Variants in TMEM132D observed in about 807,000 individuals in gnomAD.
TMEM132D encodes the protein transmembrane protein 132D.
TMEM132D carries 21 observed loss-of-function variants against 62.3 expected under a neutral mutation model. That is an observed-to-expected ratio of 0.34 (90% CI 0.24 to 0.49). The LOEUF is 0.49. TMEM132D is among the 20% of genes least tolerant of loss of function. TMEM132D has a pLI of 0.99. For missense variants in TMEM132D, 1,346 were observed against 1,402.8 expected (o/e 0.96, Z 0.65); for synonymous variants, 621 against 575.6 (o/e 1.08, Z -1.13).
intron 3 of TMEM132D, among the ~76,000 whole-genome samples, chr12:129,417,103 G>T (rs1444073016): frequency 6.6e-6 from 1 of 152,104 alleles, no homozygotes; most frequent in African/African-American, 2.4e-5. Context: ...CTATTGTTTG[G>T]AATCATTTCA....
chr12:129,647,688 A>G (rs1879823133), intron 2 of TMEM132D, among the ~76,000 whole-genome samples: 1 of 152,210 alleles, frequency 6.6e-6, no homozygotes, highest in Non-Finnish European at 1.5e-5. Context: ...GCATTGTTTC[A>G]TATGCTTATT....
At chr12:129,759,349 G>T (rs540338379) in intron 1 of TMEM132D, among the ~76,000 whole-genome samples, 1 of 152,324 alleles carries the variant, frequency 6.6e-6, no homozygotes, top group South Asian at 2.1e-4. Context: ...TTTACATGCT[G>T]TTGATAAGAG....
chr12:129,148,996 T>C (rs1876996480), intron 5 of TMEM132D, among the ~76,000 whole-genome samples: 1 of 152,202 alleles, frequency 6.6e-6, no homozygotes, highest in African/African-American at 2.4e-5. Flanking sequence ...AGGGACTTTT[T>C]TTTAATGAAA....
At chr12:129,263,387 A>G (rs1880602562) in intron 4 of TMEM132D, among the ~76,000 whole-genome samples, 2 of 152,186 alleles carry the variant, frequency 1.3e-5, no homozygotes, top group South Asian at 4.1e-4. Flanking sequence ...ACCAAATGCT[A>G]TCTTATCTCT....
At chr12:129,711,442 T>C (rs573495404) in intron 1 of TMEM132D, among the ~76,000 whole-genome samples, 54 of 152,288 alleles carry the variant, frequency 3.5e-4, no homozygotes, top group African/African-American at 1.2e-3. Flanking sequence ...TGGGATTATA[T>C]AGGCCAGGCA....
At chr12:129,317,671 G>A (rs1235623294) in intron 4 of TMEM132D, among the ~76,000 whole-genome samples, 5 of 152,140 alleles carry the variant, frequency 3.3e-5, no homozygotes, top group African/African-American at 1.2e-4. Context: ...TATGCTTCTC[G>A]TATTGGAACG....
At chr12:129,113,893 C>T (rs1875802847) in intron 5 of TMEM132D, among the ~76,000 whole-genome samples, 1 of 151,904 alleles carries the variant, frequency 6.6e-6, no homozygotes, top group Non-Finnish European at 1.5e-5. Flanking sequence ...GAGTTTCCAG[C>T]AGGTAGATGA....
chr12:129,270,797 TCAG>T (rs1347094167), intron 4 of TMEM132D, among the ~76,000 whole-genome samples: 7 of 152,382 alleles, frequency 4.6e-5, no homozygotes, highest in African/African-American at 1.7e-4. Flanking sequence ...TGCTTTCAAA[TCAG>T]TGCTCATCCT....
intron 2 of TMEM132D, among the ~76,000 whole-genome samples, chr12:129,638,451 T>G (rs1163983404): frequency 6.6e-6 from 1 of 150,752 alleles, no homozygotes; most frequent in East Asian, 1.9e-4. Flanking sequence ...TTTCCTACTT[T>G]CATTGAAAAA....
chr12:129,151,533 CCAGGGGTGA>C (rs1383842893), intron 5 of TMEM132D, among the ~76,000 whole-genome samples: 2 of 152,150 alleles, frequency 1.3e-5, no homozygotes, highest in African/African-American at 2.4e-5. Flanking sequence ...CTCACCACAC[CCAGGGGTGA>C]CATGCGGCTG....
chr12:129,451,237 G>A (rs987580567), intron 3 of TMEM132D, among the ~76,000 whole-genome samples: 1 of 152,106 alleles, frequency 6.6e-6, no homozygotes, highest in African/African-American at 2.4e-5. Context: ...CTAGAAAAGA[G>A]TTTTTAAAAA....
At chr12:129,649,677 C>T (rs920915367) in intron 2 of TMEM132D, among the ~76,000 whole-genome samples, 1 of 151,744 alleles carries the variant, frequency 6.6e-6, no homozygotes, top group Non-Finnish European at 1.5e-5. Flanking sequence ...ATAGAATATA[C>T]TGTTCTATAT....
At chr12:129,750,164 C>T (rs1382316536) in intron 1 of TMEM132D, among the ~76,000 whole-genome samples, 1 of 152,124 alleles carries the variant, frequency 6.6e-6, no homozygotes, top group Non-Finnish European at 1.5e-5. Flanking sequence ...CGGCTCCCTG[C>T]ATGCTCCACC....
chr12:129,503,516 A>G (rs1163217965), intron 3 of TMEM132D, among the ~76,000 whole-genome samples: 2 of 152,236 alleles, frequency 1.3e-5, no homozygotes, highest in Admixed American at 1.3e-4. Flanking sequence ...TTATGTAAGT[A>G]CACAGCAACT....
At chr12:129,628,057 T>C (rs1222153374) in intron 2 of TMEM132D, among the ~76,000 whole-genome samples, 1 of 152,230 alleles carries the variant, frequency 6.6e-6, no homozygotes, top group Non-Finnish European at 1.5e-5. Flanking sequence ...TTATTGCAAG[T>C]GTTTTAAGAC....
intron 4 of TMEM132D, among the ~76,000 whole-genome samples, chr12:129,257,083 A>C (rs560154486): frequency 6.6e-6 from 1 of 152,332 alleles, no homozygotes; most frequent in East Asian, 1.9e-4. Flanking sequence ...GTGTCTGAGA[A>C]GAAGGGTGTC....
chr12:129,346,572 G>A (rs1007992387), intron 3 of TMEM132D, among the ~76,000 whole-genome samples: 16 of 152,118 alleles, frequency 1.1e-4, no homozygotes, highest in Non-Finnish European at 2.1e-4. Flanking sequence ...AATAATAAGA[G>A]CTATTTATGA....
intron 3 of TMEM132D, among the ~76,000 whole-genome samples, chr12:129,375,934 G>A (rs1015416908): frequency 1.3e-5 from 2 of 152,164 alleles, no homozygotes; most frequent in Admixed American, 1.3e-4. Context: ...CTGGACTATA[G>A]CCTTGACAAT....
chr12:129,432,491 G>T (rs1456165646), intron 3 of TMEM132D, among the ~76,000 whole-genome samples: 1 of 152,192 alleles, frequency 6.6e-6, no homozygotes, highest in Admixed American at 6.5e-5. Context: ...GCAGTCATTT[G>T]CCAAATACGG....
Sources: allele counts gnomAD v4.1 joint callset (sites outside exome capture counted in the v4.1 genomes callset), GRCh38; gene constraint gnomAD v4.1.1; transcripts MANE v1.5; gene names NCBI Gene and HGNC (gene_info 2026-07-23, HGNC 2026-07-21).